Variants in MAMDC2 observed in about 807,000 individuals in gnomAD.
MAMDC2 encodes the protein MAM domain-containing protein 2.
In MAMDC2, 57 loss-of-function variants were observed where a neutral mutation model predicts 89.8. The observed-to-expected ratio is 0.63, with a 90% CI of 0.51 to 0.79. The LOEUF (loss-of-function observed/expected upper bound fraction) is 0.79. Ranked by LOEUF, MAMDC2 falls within the 30% of genes least tolerant of loss-of-function variation. The pLI is 0.00. For missense variants in MAMDC2, 800 were observed against 820.6 expected (o/e 0.97, Z 0.31); for synonymous variants, 313 against 293.4 (o/e 1.07, Z -0.68).
At chr9:70,210,809 C>CT (rs199695366) in intron 11 of MAMDC2, among the ~76,000 whole-genome samples, 129,957 of 151,766 alleles carry the variant, frequency 0.86, 55,878 homozygotes, top group East Asian at 0.96. Context: ...TTCGGGAGCT[C>CT]TGTAAGACAG....
At chr9:70,095,297 C>T (rs1465679068) in intron 2 of MAMDC2, among the ~76,000 whole-genome samples, 1 of 152,148 alleles carries the variant, frequency 6.6e-6, no homozygotes, top group African/African-American at 2.4e-5. Context: ...AGAAATAACA[C>T]TCTGGCTGTA....
chr9:70,132,942 T>C (rs1328855736), intron 7 of MAMDC2, among the ~76,000 whole-genome samples: 1 of 152,196 alleles, frequency 6.6e-6, no homozygotes, highest in Non-Finnish European at 1.5e-5. Context: ...GTAAAACAGA[T>C]AGAACCAGAT....
chr9:70,096,093 A>G (rs1366935924), intron 2 of MAMDC2, among the ~76,000 whole-genome samples: 1 of 151,824 alleles, frequency 6.6e-6, no homozygotes, highest in Non-Finnish European at 1.5e-5. Context: ...GTGCAATCAC[A>G]GCTTTCTGCA....
At chr9:70,221,405 A>AGAGAGAGAGAGAGAGAGAGAGAGG (rs2033562026) in intron 12 of MAMDC2, among the ~76,000 whole-genome samples, 2 of 123,930 alleles carry the variant, frequency 1.6e-5, no homozygotes, top group Non-Finnish European at 3.4e-5. Flanking sequence ...AGAGAGAGAG[A>AGAGAGAGAGAGAGAGAGAGAGAGG]GAGTAACATC....
chr9:70,148,375 A>G (rs958302387), intron 9 of MAMDC2, among the ~76,000 whole-genome samples: 2 of 150,290 alleles, frequency 1.3e-5, no homozygotes, highest in Admixed American at 6.7e-5. Context: ...ACAGCATAAC[A>G]TAGTGATTAG....
chr9:70,087,464 T>C (rs1206766684), intron 2 of MAMDC2: 1 of 152,156 alleles, frequency 6.6e-6, no homozygotes, highest in Non-Finnish European at 1.5e-5. Context: ...TTCTTATAGC[T>C]GATAGTTCTC....
intron 11 of MAMDC2, among the ~76,000 whole-genome samples, chr9:70,188,224 G>T (rs527999147): frequency 2.0e-5 from 3 of 152,182 alleles, no homozygotes; most frequent in African/African-American, 7.2e-5. Flanking sequence ...GTGTCTCTTG[G>T]AGACAACATA....
intron 2 of MAMDC2, among the ~76,000 whole-genome samples, chr9:70,076,433 A>C (rs1827535493): frequency 6.6e-6 from 1 of 152,004 alleles, no homozygotes; most frequent in Admixed American, 6.6e-5. Flanking sequence ...AAAAAAAAAA[A>C]AATTAATGGC....
chr9:70,103,588 C>T (rs1273321876), intron 2 of MAMDC2, among the ~76,000 whole-genome samples: 1 of 151,474 alleles, frequency 6.6e-6, no homozygotes, highest in Non-Finnish European at 1.5e-5. Context: ...AGAATGGCTT[C>T]TTAGCTACGA....
At chr9:70,180,559 A>G (rs2032624200) in intron 11 of MAMDC2, among the ~76,000 whole-genome samples, 1 of 152,184 alleles carries the variant, frequency 6.6e-6, no homozygotes, top group Non-Finnish European at 1.5e-5. Flanking sequence ...TTGCCATTCT[A>G]ACTGGCATGA....
At chr9:70,218,618 C>G in intron 12 of MAMDC2, 22 bp downstream of exon 12, 1 of 1,568,690 alleles carries the variant, frequency 6.4e-7, no homozygotes, top group East Asian at 2.3e-5. Flanking sequence ...GAGATAAGAA[C>G]TAAGCAATGG....
chr9:70,112,938 T>C (rs1587482158), intron 4 of MAMDC2, 57 bp from the exon 5 acceptor site: 1 of 1,603,078 alleles, frequency 6.2e-7, no homozygotes, highest in Non-Finnish European at 8.5e-7. Flanking sequence ...TGTAGTAGGA[T>C]GCGTGTACCC....
intron 2 of MAMDC2, among the ~76,000 whole-genome samples, chr9:70,107,897 A>T (rs1828383293): frequency 6.6e-6 from 1 of 152,214 alleles, no homozygotes; most frequent in African/African-American, 2.4e-5. Flanking sequence ...GTAAAAGAAT[A>T]AAAAGCAGAG....
upstream of MAMDC2, chr9:70,043,802 G>A (rs752797549): frequency 4.3e-6 from 1 of 234,128 alleles, no homozygotes. Flanking sequence ...GTCTGCAAGG[G>A]CTCTGGTCCC....
intron 11 of MAMDC2, among the ~76,000 whole-genome samples, chr9:70,205,355 T>C (rs1482928078): frequency 6.6e-6 from 1 of 152,178 alleles, no homozygotes; most frequent in Non-Finnish European, 1.5e-5. Context: ...TTAAAATCAC[T>C]TAAAAGTATA....
intron 9 of MAMDC2, among the ~76,000 whole-genome samples, chr9:70,155,709 G>A (rs2031737588): frequency 6.6e-6 from 1 of 152,148 alleles, no homozygotes. Flanking sequence ...TCACTCCAGT[G>A]TGGCTTCTCA....
At chr9:70,134,436 TTGAA>T in intron 7 of MAMDC2, among the ~76,000 whole-genome samples, 1 of 151,864 alleles carries the variant, frequency 6.6e-6, no homozygotes, top group Non-Finnish European at 1.5e-5. Context: ...CTGTAAATCT[TTGAA>T]TGCCTAAGAG....
chr9:70,104,595 G>GA (rs1351381139), intron 2 of MAMDC2, among the ~76,000 whole-genome samples: 1 of 152,114 alleles, frequency 6.6e-6, no homozygotes, highest in Non-Finnish European at 1.5e-5. Flanking sequence ...CCATAAAATA[G>GA]AATATTAGCC....
intron 7 of MAMDC2, among the ~76,000 whole-genome samples, chr9:70,137,585 C>G (rs1020701183): frequency 6.6e-6 from 1 of 152,158 alleles, no homozygotes; most frequent in African/African-American, 2.4e-5. Flanking sequence ...GTCAGTTCCT[C>G]AACCCACCTG....
Sources: gnomAD v4.1 joint callset for allele counts (sites outside exome capture counted in the v4.1 genomes callset) on GRCh38, gnomAD v4.1.1 for gene constraint, MANE v1.5 for transcripts, NCBI Gene and HGNC (gene_info 2026-07-23, HGNC 2026-07-21) for gene names.